Variants in PSTPIP1 observed in about 807,000 individuals in gnomAD.
The protein encoded by PSTPIP1 is proline-serine-threonine phosphatase interacting protein 1.
PSTPIP1 carries 66 observed loss-of-function variants against 69.6 expected under a neutral mutation model. The ratio of observed to expected loss-of-function variants is 0.95; its 90% CI spans 0.78 to 1.16. PSTPIP1 has a LOEUF of 1.16. Among genes scored for constraint, PSTPIP1 ranks in the 50% most tolerant of loss-of-function variants. The probability of loss-of-function intolerance (pLI) is 0.00; values close to 1 mark genes in which losing one functional copy is unlikely to be tolerated. For missense variants in PSTPIP1, 603 were observed against 557.4 expected (o/e 1.08, Z -0.82); for synonymous variants, 266 against 222.7 (o/e 1.19, Z -1.73).
At chr15:77,037,023 G>C (rs376465836) in intron 14 of PSTPIP1, 22 bp from the exon 15 acceptor site, 18 of 1,610,100 alleles carry the variant, frequency 1.1e-5, no homozygotes, top group Non-Finnish European at 1.4e-5. Flanking sequence ...CCAACGTCAT[G>C]CGCTTTCAAT....
At chr15:77,004,333 G>A (rs1046857466) in intron 1 of PSTPIP1, among the ~76,000 whole-genome samples, 3 of 152,230 alleles carry the variant, frequency 2.0e-5, no homozygotes, top group African/African-American at 4.8e-5. Context: ...GGTGTTGACA[G>A]GCCACCCACC....
chr15:77,032,491 G>A (rs769008649), intron 11 of PSTPIP1, 97 bp downstream of exon 11: 3 of 1,303,780 alleles, frequency 2.3e-6, no homozygotes, highest in South Asian at 1.2e-5. Flanking sequence ...GGCTGGGGTA[G>A]CTCACAGCTC....
In PSTPIP1 at chr15:77,027,839, G is replaced by A. The variant is rs1596111292; in HGVS notation, c.355-13G>A. On this transcript the variant is annotated splice_polypyrimidine_tract_variant and intron_variant, in intron 5 of 14. Transcript: ENST00000558012. This position sits in a 1 kb window ranked among gnomAD's most constrained non-coding sequence, Gnocchi z 4.3. ...GCCGCGGCCCTCGGCTCAGAACCTCGTGTCCCCTGCAGTATGAGGCCGTCA... is the reference window on the plus strand; with the variant it reads ...GCCGCGGCCCTCGGCTCAGAACCTCATGTCCCCTGCAGTATGAGGCCGTCA... The A allele has an allele frequency of 5.1e-6, 8 of 1,561,178 alleles. No homozygotes were observed. Among genetic ancestry groups the A allele is most frequent in the Non-Finnish European group, 6.9e-6 (8 of 1,153,326 alleles).
chr15:77,007,035 C>T (rs2075828842), intron 1 of PSTPIP1, among the ~76,000 whole-genome samples: 1 of 152,172 alleles, frequency 6.6e-6, no homozygotes. Flanking sequence ...CCGTGACAAA[C>T]TCCTCATCAT....
At chr15:77,015,747 G>A (rs974046660) in intron 1 of PSTPIP1, 6 of 359,158 alleles carry the variant, frequency 1.7e-5, no homozygotes, top group South Asian at 1.0e-4. Context: ...AAGGAGGAGG[G>A]CGCGGGCTGG....
At chr15:77,021,531 T>C (rs1229807441) in intron 3 of PSTPIP1, among the ~76,000 whole-genome samples, 2 of 151,914 alleles carry the variant, frequency 1.3e-5, no homozygotes, top group African/African-American at 2.4e-5. Context: ...ATATAAAAAT[T>C]AGTTGGGCAT....
At chr15:77,015,918 AG>A (rs2152677194) in intron 1 of PSTPIP1, 1 of 455,944 alleles carries the variant, frequency 2.2e-6, no homozygotes, top group South Asian at 1.5e-5. Context: ...TGGAGCCTGC[AG>A]CCTCTGGGGA....
rs527679453 is a variant in PSTPIP1, at chr15:77,037,298, G to A, written c.*122G>A. ...CCCCAGCCCCGAGAGGGAGCCTGTC[G>A]TCTCCCAGGGAATAAAGGAGTGCGT... On this transcript the variant is annotated 3_prime_UTR_variant, in exon 15 of 15. Transcript: ENST00000558012. 5.5e-5 allele frequency: 72 copies of A among 1,313,760 alleles called. No individual in the cohort carries two copies. The highest frequency in any genetic ancestry group is 2.9e-4 in the East Asian group (11 of 38,534). The allele number at this position is 1,313,760 out of a possible 1,614,324, so 81.4% of individuals were successfully genotyped here.
intron 5 of PSTPIP1, chr15:77,026,181 G>A: frequency 2.2e-6 from 1 of 456,072 alleles, no homozygotes; most frequent in South Asian, 1.5e-5. Context: ...AGGTGTGTAA[G>A]CAGAGGCTGG....
In PSTPIP1 at chr15:77,031,256, T is replaced by C. The variant is rs761921103; in HGVS notation, c.719T>C (p.Met240Thr). ...TGGGTGCACAGCAACCAGCTCTCCA[T>C]GCAGTGTGTCAAGGATGATGAGGTG... ...ALWVHSNQLS[M>T]QCVKDDELYE... is the part of the protein sequence containing the mutation. The change falls in exon 10 of 15, where the codon ATG becomes ACG. Residue 240 changes from methionine (M) to threonine (T), a missense_variant. Physicochemically the swap from Met to Thr is moderately conservative, Grantham distance 81. Coordinates refer to ENST00000558012, the MANE Select transcript of PSTPIP1 (RefSeq NM_003978.5). 6.2e-7 allele frequency: 1 copy of C among 1,612,920 alleles called. No homozygotes were observed. Among genetic ancestry groups the C allele is most frequent in the Non-Finnish European group, 8.5e-7 (1 of 1,179,564 alleles).
chr15:77,018,022 G>A (rs1305979269), intron 1 of PSTPIP1, 126 bp from the exon 2 acceptor site: 4 of 911,052 alleles, frequency 4.4e-6, no homozygotes, highest in Admixed American at 2.2e-5. Context: ...CCAAGAGCTT[G>A]CCCTGAGCAG....
chr15:77,020,299 G>GGTCC (rs1370771492), intron 3 of PSTPIP1, among the ~76,000 whole-genome samples: 1 of 152,166 alleles, frequency 6.6e-6, no homozygotes, highest in Non-Finnish European at 1.5e-5. Flanking sequence ...TATCCTTTGT[G>GGTCC]TGGCCCTGGA....
rs760234757 is a variant in PSTPIP1, at chr15:77,037,071, G to C, written c.1146G>C (p.Ala382=). The part of the protein sequence containing the change: ...AQNPDELDLS[A]GDILEVILEG... ...ACCCAGATGAGCTGGACCTGTCCGC[G>C]GGAGACATCCTGGAGGTGATCCTGG... The change falls in exon 15 of 15, where the codon GCG becomes GCC. Residue 382 remains alanine, a synonymous_variant. Transcript: ENST00000558012. 5 of 1,612,254 alleles carry C rather than the reference G, an allele frequency of 3.1e-6. No individual in the cohort carries two copies. Among genetic ancestry groups the C allele is most frequent in the Middle Eastern group, 3.3e-4 (2 of 6,058 alleles).
intron 1 of PSTPIP1, among the ~76,000 whole-genome samples, chr15:77,008,879 A>G (rs1007925487): frequency 6.6e-6 from 1 of 152,114 alleles, no homozygotes; most frequent in Non-Finnish European, 1.5e-5. Context: ...TAACATGTAC[A>G]CTGGCTGTGT....
chr15:77,000,923 T>G (rs2075694774), intron 1 of PSTPIP1, among the ~76,000 whole-genome samples: 1 of 152,200 alleles, frequency 6.6e-6, no homozygotes, highest in Non-Finnish European at 1.5e-5. Context: ...CTTAACCATT[T>G]TTGTGGTGTA....
chr15:77,031,436 A>G (rs2152688389), intron 10 of PSTPIP1, 158 bp downstream of exon 10: 1 of 682,592 alleles, frequency 1.5e-6, no homozygotes, highest in Non-Finnish European at 2.5e-6. Flanking sequence ...TTGCCCCCAG[A>G]ACCCCAAGAC....
chr15:77,027,950 G>C lies in PSTPIP1; in HGVS notation c.417+36G>C. The C allele has an allele frequency of 6.6e-7, 1 of 1,512,542 alleles. No homozygotes were observed. The highest frequency in any genetic ancestry group is 9.0e-7 in the Non-Finnish European group (1 of 1,112,924). 93.7% of individuals were successfully genotyped at this position (1,512,542 alleles called of 1,614,324 possible). A position where few individuals can be genotyped will look rare whatever the true frequency, so the allele number is the denominator to read the frequency against. ...GGGCCTGGGGCCGCGGCCTTCCCTC[G>C]AGGAGCAGCGCAGGTCTCAGGGTGC... On this transcript the variant is annotated intron_variant, in intron 6 of 14. Coordinates refer to ENST00000558012, the MANE Select transcript of PSTPIP1 (RefSeq NM_003978.5). The surrounding 1 kb of genome is among the most constrained non-coding windows in gnomAD (Gnocchi z 4.3).
chr15:77,001,948 C>T (rs181312648), intron 1 of PSTPIP1, among the ~76,000 whole-genome samples: 1 of 152,228 alleles, frequency 6.6e-6, no homozygotes, highest in East Asian at 1.9e-4. Context: ...GATTTTTGAA[C>T]CATATGAATG....
Position 77,027,870 on chromosome 15 carries a change from CG to C in PSTPIP1, c.376del (p.Val126SerfsTer99). 1 of 1,569,550 alleles carries C rather than the reference CG, an allele frequency of 6.4e-7. No homozygotes were observed. On this transcript the variant is annotated frameshift_variant, in exon 6 of 15. Transcript: ENST00000558012. LOFTEE classifies it high-confidence loss of function. This position sits in a 1 kb window ranked among gnomAD's most constrained non-coding sequence, Gnocchi z 4.3. Reference sequence around the variant, plus strand: ...CCTGCAGTATGAGGCCGTCATGGACCGGGTCCAGAAGAGCAAGCTGTCGCTC... The same window carrying C: ...CCTGCAGTATGAGGCCGTCATGGACCGGTCCAGAAGAGCAAGCTGTCGCTC... ...QRKKYEAVMD[R>X]VQKSKLSLYK...
Sources: allele counts gnomAD v4.1 joint callset (sites outside exome capture counted in the v4.1 genomes callset), GRCh38; gene constraint gnomAD v4.1.1; non-coding constraint Gnocchi (gnomAD v3.1); transcripts MANE v1.5; gene names NCBI Gene and HGNC (gene_info 2026-07-23, HGNC 2026-07-21).